The following PLPP4 variants were observed in gnomAD, a reference collection of about 807,000 sequenced individuals.
PLPP4 encodes phospholipid phosphatase 4, also known as diacylglycerol pyrophosphate like 2.
In PLPP4, 20 loss-of-function variants were observed where a neutral mutation model predicts 32.2. The ratio of observed to expected loss-of-function variants is 0.62; its 90% CI spans 0.44 to 0.90. The LOEUF (loss-of-function observed/expected upper bound fraction) is 0.90, where lower values mean the gene tolerates loss of function less well. PLPP4 is among the 40% of genes least tolerant of loss of function. The pLI, the probability that PLPP4 is intolerant of heterozygous loss-of-function variation, is 0.00. For missense variants in PLPP4, 257 were observed against 353.1 expected (o/e 0.73, Z 2.18); for synonymous variants, 127 against 133.0 (o/e 0.95, Z 0.31).
At chr10:120,572,361 G>A (rs1375743543) in intron 5 of PLPP4, among the ~76,000 whole-genome samples, 4 of 152,228 alleles carry the variant, frequency 2.6e-5, no homozygotes, top group African/African-American at 4.8e-5. Flanking sequence ...GGATGTGCCC[G>A]GAGGTGCTGT....
At chr10:120,575,919 C>T (rs1279009608) in intron 6 of PLPP4, among the ~76,000 whole-genome samples, 1 of 152,218 alleles carries the variant, frequency 6.6e-6, no homozygotes, top group Non-Finnish European at 1.5e-5. Context: ...AACTGCAGCT[C>T]ACAGTCTGTC....
intron 4 of PLPP4, 132 bp from the exon 5 acceptor site, chr10:120,520,820 TGTGTCTAGAGTATTCTGTG>T (rs2133908441): frequency 2.2e-6 from 2 of 889,636 alleles, no homozygotes; most frequent in African/African-American, 3.4e-5. Context: ...CCCAAACGGC[TGTGTCTAGAGTATTCTGTG>T]AGGAGCTCCA....
intron 5 of PLPP4, among the ~76,000 whole-genome samples, chr10:120,549,187 C>T (rs1414659974): frequency 2.0e-5 from 3 of 150,766 alleles, no homozygotes; most frequent in African/African-American, 7.3e-5. Context: ...TTAGCAATAT[C>T]AGGAAAGAAA....
chr10:120,508,718 T>G (rs1206986079), intron 2 of PLPP4, among the ~76,000 whole-genome samples: 2 of 152,166 alleles, frequency 1.3e-5, no homozygotes, highest in Non-Finnish European at 2.9e-5. Flanking sequence ...GTTTGTCGTT[T>G]AGGGTATGGT....
intron 5 of PLPP4, among the ~76,000 whole-genome samples, chr10:120,542,492 A>G (rs879422852): frequency 1.3e-5 from 2 of 152,202 alleles, no homozygotes; most frequent in Non-Finnish European, 2.9e-5. Flanking sequence ...CCTGGGGACC[A>G]CTGTTTCCTG....
intron 5 of PLPP4, among the ~76,000 whole-genome samples, chr10:120,569,093 G>A (rs12247794): frequency 0.091 from 13,842 of 152,082 alleles, 916 homozygotes; most frequent in African/African-American, 0.17. Flanking sequence ...ACAAAAACTA[G>A]CTGGGCGTGG....
intron 1 of PLPP4, among the ~76,000 whole-genome samples, chr10:120,480,465 C>A (rs745465618): frequency 5.3e-5 from 8 of 152,194 alleles, no homozygotes; most frequent in Non-Finnish European, 1.0e-4. Context: ...TGACAGAAGA[C>A]CGAGATGGAA....
At chr10:120,475,556 C>T (rs1282106716) in intron 1 of PLPP4, among the ~76,000 whole-genome samples, 2 of 152,214 alleles carry the variant, frequency 1.3e-5, no homozygotes, top group Admixed American at 1.3e-4. Flanking sequence ...CAGTTCCCTT[C>T]TGTGTATTTA....
intron 5 of PLPP4, among the ~76,000 whole-genome samples, chr10:120,557,929 T>C (rs1848233733): frequency 6.6e-6 from 1 of 152,162 alleles, no homozygotes; most frequent in South Asian, 2.1e-4. Context: ...ATACCACAGT[T>C]GTTTAACAGG....
At chr10:120,583,492 C>T (rs1418610116) in intron 6 of PLPP4, among the ~76,000 whole-genome samples, 2 of 152,010 alleles carry the variant, frequency 1.3e-5, no homozygotes, top group African/African-American at 4.8e-5. Flanking sequence ...TTTTAAAGTA[C>T]AGAAACATTT....
At chr10:120,520,917 G>A in intron 4 of PLPP4, 54 bp from the exon 5 acceptor site, 1 of 1,607,520 alleles carries the variant, frequency 6.2e-7, no homozygotes, top group South Asian at 1.1e-5. Context: ...TCAGCTTGGG[G>A]TCATTTGTGA....
intron 6 of PLPP4, among the ~76,000 whole-genome samples, chr10:120,581,596 A>T (rs890545580): frequency 5.3e-5 from 8 of 152,184 alleles, no homozygotes; most frequent in African/African-American, 1.9e-4. Flanking sequence ...ACATGATTGC[A>T]TCGCTTGAGC....
chr10:120,457,869 C>T (rs896286870), intron 1 of PLPP4, among the ~76,000 whole-genome samples: 2 of 152,210 alleles, frequency 1.3e-5, no homozygotes, highest in African/African-American at 4.8e-5. Context: ...TGCGGCGCTT[C>T]TCCTACTGAG....
chr10:120,533,444 A>G (rs1846840109), intron 5 of PLPP4, among the ~76,000 whole-genome samples: 2 of 152,184 alleles, frequency 1.3e-5, no homozygotes, highest in South Asian at 2.1e-4. Context: ...TGACTTGCAA[A>G]TATCTTCTCC....
chr10:120,527,591 A>G (rs911725105), intron 5 of PLPP4, among the ~76,000 whole-genome samples: 2 of 152,192 alleles, frequency 1.3e-5, no homozygotes, highest in Non-Finnish European at 1.5e-5. Context: ...AAGGTTACCG[A>G]TCACACTGTT....
chr10:120,457,260 C>T lies in PLPP4; in HGVS notation c.-46C>T, dbSNP rs536823556. 278 of 1,424,268 alleles carry T rather than the reference C, an allele frequency of 2.0e-4. 9 individuals carry two copies. The South Asian group carries it at 3.7e-3, about 19-fold the overall frequency. 88.2% of individuals were successfully genotyped at this position (1,424,268 alleles called of 1,614,324 possible). On this transcript the variant is annotated 5_prime_UTR_variant, in exon 1 of 7. Transcript: ENST00000398250. ...CCGGCGCCGGCCGAGCTGCGGGAGCCGCGGAGAGCACCAGCTGACGCCGCG... is the reference window on the plus strand; with the variant it reads ...CCGGCGCCGGCCGAGCTGCGGGAGCTGCGGAGAGCACCAGCTGACGCCGCG...
intron 1 of PLPP4, among the ~76,000 whole-genome samples, chr10:120,496,032 G>C (rs1289342593): frequency 6.6e-6 from 1 of 152,088 alleles, no homozygotes; most frequent in East Asian, 1.9e-4. Flanking sequence ...GCAGGGATTT[G>C]GACTAAGTCT....
At chr10:120,505,135 A>G (rs1845435884) in intron 2 of PLPP4, among the ~76,000 whole-genome samples, 1 of 152,236 alleles carries the variant, frequency 6.6e-6, no homozygotes, top group South Asian at 2.1e-4. Flanking sequence ...TATTGTCCAC[A>G]TTTCACAGAT....
intron 5 of PLPP4, among the ~76,000 whole-genome samples, 175 bp downstream of exon 5, chr10:120,521,270 C>A (rs1846143627): frequency 6.6e-6 from 1 of 152,046 alleles, no homozygotes; most frequent in Admixed American, 6.6e-5. Flanking sequence ...AGTAATATGC[C>A]CAGGATGAGG....
Sources: gnomAD v4.1 joint callset for allele counts (sites outside exome capture counted in the v4.1 genomes callset) on GRCh38, gnomAD v4.1.1 for gene constraint, MANE v1.5 for transcripts, NCBI Gene and HGNC (gene_info 2026-07-23, HGNC 2026-07-21) for gene names.